The following ZNF98 variants were observed in gnomAD, a reference collection of about 807,000 sequenced individuals.
ZNF98 encodes the protein zinc finger protein 739.
A neutral mutation model predicts 12.8 loss-of-function variants in ZNF98; 8 were observed. The observed-to-expected ratio is 0.63, with a 90% CI of 0.37 to 1.13. The LOEUF (loss-of-function observed/expected upper bound fraction) is 1.13, where lower values mean the gene tolerates loss of function less well. Among genes scored for constraint, ZNF98 ranks in the 50% most tolerant of loss-of-function variants. ZNF98 has a pLI of 0.01. For synonymous variants in ZNF98, 112 were observed against 223.5 expected, an observed-to-expected ratio of 0.50 and a Z score of 4.45; for missense variants, 379 against 666.1, an observed-to-expected ratio of 0.57 and a Z score of 4.74.
chr19:22,407,400 A>ATT (rs113043868), intron 1 of ZNF98, among the ~76,000 whole-genome samples: 86 of 139,976 alleles, frequency 6.1e-4, no homozygotes, highest in African/African-American at 2.0e-3. Flanking sequence ...GAATTCACTG[A>ATT]TTTTTTTTTT....
Position 22,414,715 on chromosome 19 carries a change from A to G in ZNF98, c.30+7480T>C, listed in dbSNP as rs548907838. On this transcript the variant is annotated intron_variant, in intron 1 of 3. Transcript: ENST00000357774. ...GATTGAAACTGAACCCCTTCATTACACCATATACAAAAATCAACTAAAGAT... is the reference window on the plus strand; with the variant it reads ...GATTGAAACTGAACCCCTTCATTACGCCATATACAAAAATCAACTAAAGAT... Among the ~76,000 whole-genome samples, 635 of 152,278 alleles carry G rather than the reference A, an allele frequency of 4.2e-3. 2 individuals carry two copies. The highest frequency in any genetic ancestry group is 0.01 in the Middle Eastern group (3 of 294).
intron 1 of ZNF98, among the ~76,000 whole-genome samples, chr19:22,411,980 GACT>G (rs1469116876): frequency 6.6e-6 from 1 of 152,138 alleles, no homozygotes; most frequent in Non-Finnish European, 1.5e-5. Flanking sequence ...AATAGTGGGA[GACT>G]ACAACACCCA....
At chr19:22,412,809 T>C (rs1208905484) in intron 1 of ZNF98, among the ~76,000 whole-genome samples, 3 of 152,006 alleles carry the variant, frequency 2.0e-5, no homozygotes, top group Non-Finnish European at 4.4e-5. Context: ...TCCCAGCACT[T>C]TGGGAGGCCG....
At chr19:22,415,993 A>ACACACACACT (rs1360254701) in intron 1 of ZNF98, among the ~76,000 whole-genome samples, 9 of 144,322 alleles carry the variant, frequency 6.2e-5, no homozygotes, top group African/African-American at 2.3e-4. Context: ...ACACACACAC[A>ACACACACACT]CTTAGCTGGG....
intron 1 of ZNF98, among the ~76,000 whole-genome samples, chr19:22,407,808 C>A (rs923116861): frequency 2.0e-5 from 3 of 151,936 alleles, no homozygotes; most frequent in Admixed American, 6.6e-5. Flanking sequence ...CGGTAGCTCA[C>A]GCCTGTAATC....
At chr19:22,417,177 C>T (rs111339234) in intron 1 of ZNF98, among the ~76,000 whole-genome samples, 3,195 of 129,744 alleles carry the variant, frequency 0.025, 103 homozygotes, top group African/African-American at 0.09. Context: ...TGCGGTGAGC[C>T]AAGATCGCGC....
At chr19:22,403,258 TAAA>T in intron 2 of ZNF98, 125 bp downstream of exon 2, 3 of 795,736 alleles carry the variant, frequency 3.8e-6, no homozygotes, top group Non-Finnish European at 5.2e-6. Context: ...ATCTTGAAGT[TAAA>T]AAAAAAAAAC....
intron 1 of ZNF98, among the ~76,000 whole-genome samples, chr19:22,417,549 G>T (rs955941930): frequency 6.6e-6 from 1 of 152,126 alleles, no homozygotes; most frequent in African/African-American, 2.4e-5. Flanking sequence ...GCTACAGATA[G>T]CGGCTCAGGT....
At chr19:22,419,998 A>T (rs1427260734) in intron 1 of ZNF98, among the ~76,000 whole-genome samples, 1 of 151,962 alleles carries the variant, frequency 6.6e-6, no homozygotes, top group African/African-American at 2.4e-5. Context: ...TCCACTAAAA[A>T]TACCAAAAAA....
chr19:22,407,096 G>A (rs1255666369), intron 1 of ZNF98, among the ~76,000 whole-genome samples: 4 of 151,778 alleles, frequency 2.6e-5, no homozygotes, highest in Non-Finnish European at 4.4e-5. Context: ...TCACTCTGTC[G>A]CCCAGGCTGG....
At chr19:22,416,824 TACACACAC>T (rs35593482) in intron 1 of ZNF98, among the ~76,000 whole-genome samples, 1 of 150,556 alleles carries the variant, frequency 6.6e-6, no homozygotes, top group Middle Eastern at 3.4e-3. Flanking sequence ...CACACACACA[TACACACAC>T]ACACACACAG....
At chr19:22,418,600 T>A (rs1018552886) in intron 1 of ZNF98, among the ~76,000 whole-genome samples, 1 of 152,242 alleles carries the variant, frequency 6.6e-6, no homozygotes, top group Non-Finnish European at 1.5e-5. Context: ...ATCAGCTGGC[T>A]GGGAGCAGTG....
chr19:22,398,603 C>A (rs974813979), intron 3 of ZNF98, among the ~76,000 whole-genome samples: 1 of 152,066 alleles, frequency 6.6e-6, no homozygotes, highest in Non-Finnish European at 1.5e-5. Flanking sequence ...AGTCTTCCTG[C>A]CTTGGCCTCC....
intron 1 of ZNF98, among the ~76,000 whole-genome samples, chr19:22,405,207 C>G (rs1339159780): frequency 6.8e-6 from 1 of 146,052 alleles, no homozygotes; most frequent in Admixed American, 7.0e-5. Flanking sequence ...TTTGCAAGTA[C>G]TGAACATATG....
intron 3 of ZNF98, among the ~76,000 whole-genome samples, chr19:22,399,535 A>G (rs1292706102): frequency 1.3e-5 from 2 of 152,194 alleles, no homozygotes; most frequent in African/African-American, 4.8e-5. Flanking sequence ...GGAACAAATT[A>G]TGTCATATTT....
intron 1 of ZNF98, among the ~76,000 whole-genome samples, chr19:22,421,032 C>T (rs1215599230): frequency 1.3e-5 from 2 of 152,168 alleles, no homozygotes; most frequent in African/African-American, 4.8e-5. Flanking sequence ...TTATAAAGTG[C>T]AATGCTATTT....
chr19:22,413,869 CAAAAA>C (rs57148885), intron 1 of ZNF98, among the ~76,000 whole-genome samples: 4 of 43,188 alleles, frequency 9.3e-5, no homozygotes, highest in Non-Finnish European at 1.4e-4. Flanking sequence ...AACTCCGTCT[CAAAAA>C]AAAAAAAAAA....
Position 22,422,307 on chromosome 19 carries a change from G to T in ZNF98, c.-83C>A. 6.5e-7 allele frequency: 1 copy of T among 1,545,120 alleles called. No individual in the cohort carries two copies. Among genetic ancestry groups the T allele is most frequent in the Non-Finnish European group, 8.9e-7 (1 of 1,121,238 alleles). On this transcript the variant is annotated 5_prime_UTR_variant, in exon 1 of 4. Coordinates refer to ENST00000357774, the MANE Select transcript of ZNF98 (RefSeq NM_001098626.2). ...CGAGCAGAGGACACAGAAGGGCGAA[G>T]ACGAGACCAGGAACTCCGGCTGCAG...
intron 1 of ZNF98, among the ~76,000 whole-genome samples, chr19:22,408,580 G>A (rs1417608713): frequency 6.6e-6 from 1 of 152,212 alleles, no homozygotes; most frequent in Admixed American, 6.5e-5. Context: ...AAGCTGATAA[G>A]TGACTTCAGC....
Sources: gnomAD v4.1 joint callset for allele counts (sites outside exome capture counted in the v4.1 genomes callset) on GRCh38, gnomAD v4.1.1 for gene constraint, MANE v1.5 for transcripts, NCBI Gene and HGNC (gene_info 2026-07-23, HGNC 2026-07-21) for gene names.